Variants in JPH1 observed in about 807,000 individuals in gnomAD.
The protein encoded by JPH1 is junctophilin 1.
A neutral mutation model predicts 53.6 loss-of-function variants in JPH1; 12 were observed. The observed-to-expected ratio is 0.22, with a 90% CI of 0.14 to 0.36. The LOEUF (loss-of-function observed/expected upper bound fraction) is 0.36, where lower values mean the gene tolerates loss of function less well. Ranked by LOEUF, JPH1 falls within the 10% of genes least tolerant of loss-of-function variation. The pLI, the probability that JPH1 is intolerant of heterozygous loss-of-function variation, is 1.00. For missense variants in JPH1, 808 were observed against 905.5 expected, an observed-to-expected ratio of 0.89 and a Z score of 1.38; for synonymous variants, 375 against 363.8, an observed-to-expected ratio of 1.03 and a Z score of -0.35.
chr8:74,292,356 C>G (rs1254756398), intron 2 of JPH1, among the ~76,000 whole-genome samples: 1 of 152,174 alleles, frequency 6.6e-6, no homozygotes, highest in Non-Finnish European at 1.5e-5. Context: ...GCAGTGTCTA[C>G]TCAAGGAAGC....
chr8:74,306,656 T>C (rs1466321686), intron 2 of JPH1, among the ~76,000 whole-genome samples: 1 of 151,782 alleles, frequency 6.6e-6, no homozygotes, highest in Non-Finnish European at 1.5e-5. Context: ...TGGAGTGCAA[T>C]GGCATGATCT....
At chr8:74,284,868 A>C (rs556600052) in intron 2 of JPH1, among the ~76,000 whole-genome samples, 18 of 143,394 alleles carry the variant, frequency 1.3e-4, no homozygotes, top group African/African-American at 4.8e-4. Context: ...TCTGTCACCC[A>C]GGCTGGAATG....
intron 2 of JPH1, among the ~76,000 whole-genome samples, chr8:74,263,696 A>G (rs1015167207): frequency 6.6e-6 from 1 of 151,982 alleles, no homozygotes; most frequent in Non-Finnish European, 1.5e-5. Flanking sequence ...AAGGTAACTG[A>G]CCTCCCTACT....
intron 2 of JPH1, among the ~76,000 whole-genome samples, chr8:74,289,768 T>G (rs1320327680): frequency 6.6e-6 from 1 of 152,238 alleles, no homozygotes; most frequent in Non-Finnish European, 1.5e-5. Context: ...TATTGAGAGT[T>G]TTTAGCATGA....
At chr8:74,300,249 G>A (rs1303151451) in intron 2 of JPH1, among the ~76,000 whole-genome samples, 4 of 152,218 alleles carry the variant, frequency 2.6e-5, no homozygotes, top group Admixed American at 6.5e-5. Flanking sequence ...TAGAAGACTA[G>A]CCATTTTGAC....
In JPH1 at chr8:74,315,487, G is replaced by C; in HGVS notation, c.513C>G (p.Ser171Arg). 6.2e-7 allele frequency: 1 copy of C among 1,606,818 alleles called. No homozygotes were observed. The highest frequency in any genetic ancestry group is 8.5e-7 in the Non-Finnish European group (1 of 1,177,394). ...TSLASLRSEQ[S>R]NGSVLHDAAA... Reference sequence around the variant, plus strand: ...CGGCGTCGTGGAGCACGCTGCCATTGCTCTGCTCGCTGCGCAGCGAGGCCA... The same window carrying C: ...CGGCGTCGTGGAGCACGCTGCCATTCCTCTGCTCGCTGCGCAGCGAGGCCA... The change falls in exon 2 of 6, where the codon AGC becomes AGG. Residue 171 changes from serine to arginine, a missense_variant. Physicochemically the swap from Ser to Arg is moderately radical, Grantham distance 110. This residue lies in a region of JPH1 where 756 missense variants were observed against 811.9 expected (regional missense o/e 0.93). Coordinates refer to ENST00000342232, the MANE Select transcript of JPH1 (RefSeq NM_020647.4). The surrounding 1 kb of genome is among the most constrained non-coding windows in gnomAD (Gnocchi z 6.3).
At chr8:74,254,071 C>T (rs1294452960) in intron 3 of JPH1, among the ~76,000 whole-genome samples, 1 of 151,736 alleles carries the variant, frequency 6.6e-6, no homozygotes, top group East Asian at 1.9e-4. Context: ...GATACCAAAG[C>T]CAGGTAGAGA....
intron 3 of JPH1, among the ~76,000 whole-genome samples, chr8:74,245,967 A>C (rs1478376193): frequency 6.7e-6 from 1 of 150,198 alleles, no homozygotes; most frequent in African/African-American, 2.4e-5. Flanking sequence ...ACAGGGAGTG[A>C]GCTATAAAGA....
chr8:74,281,606 A>G (rs1330811703), intron 2 of JPH1, among the ~76,000 whole-genome samples: 1 of 152,218 alleles, frequency 6.6e-6, no homozygotes, highest in East Asian at 1.9e-4. Context: ...AAAGATGCTA[A>G]GAGTTCTGAT....
rs952173671 is a variant in JPH1 at position 74,236,320 on chromosome 8, T to C, written c.*731A>G. On this transcript the variant is annotated 3_prime_UTR_variant, in exon 6 of 6. Transcript: ENST00000342232. ...TTCACTAGCATTTTGTTGTTTCTTTTCCTTGAGATGCAACACGTGTGTTTC... is the reference window on the plus strand; with the variant it reads ...TTCACTAGCATTTTGTTGTTTCTTTCCCTTGAGATGCAACACGTGTGTTTC... 1.3e-5 allele frequency: 2 copies of C among 152,292 alleles called. No individual in the cohort carries two copies. Among genetic ancestry groups the C allele is most frequent in the African/African-American group, 4.8e-5 (2 of 41,442 alleles). The allele number at this position is 152,292 out of a possible 1,614,324, so 9.4% of individuals were successfully genotyped here. A position where few individuals can be genotyped will look rare whatever the true frequency, so the allele number is the denominator to read the frequency against.
intron 2 of JPH1, among the ~76,000 whole-genome samples, chr8:74,261,128 A>G (rs916066545): frequency 6.6e-6 from 1 of 152,212 alleles, no homozygotes; most frequent in Non-Finnish European, 1.5e-5. Context: ...AAAGGAGGGC[A>G]TATCTGGGGG....
At position 74,280,885 on chromosome 8, in the gene JPH1, G is replaced by A. The variant is rs144642484; in HGVS notation, c.1140-21382C>T. Among the ~76,000 whole-genome samples, 370 of 152,200 alleles carry A rather than the reference G, an allele frequency of 2.4e-3. 1 individual carries two copies. The highest frequency in any genetic ancestry group is 8.5e-3 in the African/African-American group (354 of 41,508). ...ACTTTATGAACAAATCATTATGCTG[G>A]ACTCTCACAACAGTTCTGCAAGGTT... is the stretch of plus-strand genomic sequence containing the variant. On this transcript the variant is annotated intron_variant, in intron 2 of 5. Transcript: ENST00000342232.
chr8:74,260,284 G>C (rs1301117784), intron 2 of JPH1, among the ~76,000 whole-genome samples: 2 of 152,180 alleles, frequency 1.3e-5, no homozygotes, highest in African/African-American at 4.8e-5. Context: ...CTCACTCATG[G>C]AAACCTCTCA....
At position 74,291,921 on chromosome 8, in the gene JPH1, C is replaced by T. The variant is rs199993161; in HGVS notation, c.1139+22940G>A. On this transcript the variant is annotated intron_variant, in intron 2 of 5. Coordinates refer to ENST00000342232, the MANE Select transcript of JPH1 (RefSeq NM_020647.4). ...AACCATCATTCTCAGCAAACTATCG[C>T]AAGGACAGAAAACCAAACACCACAT... is the stretch of plus-strand genomic sequence containing the variant. Among the ~76,000 whole-genome samples the T allele has an allele frequency of 3.0e-4, 45 of 152,198 alleles. 1 individual carries two copies. The East Asian group carries it at 8.3e-3, about 28-fold the overall frequency.
chr8:74,253,750 GAATAC>G (rs1336148698), intron 3 of JPH1, among the ~76,000 whole-genome samples: 1 of 152,070 alleles, frequency 6.6e-6, no homozygotes, highest in Non-Finnish European at 1.5e-5. Flanking sequence ...TACCATCAGA[GAATAC>G]TATAAACACC....
At chr8:74,319,884 G>T (rs111649631) in intron 1 of JPH1, among the ~76,000 whole-genome samples, 7,456 of 152,204 alleles carry the variant, frequency 0.049, 265 homozygotes, top group Non-Finnish European at 0.079. Context: ...TATTACACAA[G>T]GAAATTCATC....
chr8:74,282,307 T>G (rs1807036769), intron 2 of JPH1, among the ~76,000 whole-genome samples: 1 of 152,160 alleles, frequency 6.6e-6, no homozygotes, highest in South Asian at 2.1e-4. Context: ...GTTTTCCCTA[T>G]CAAAGACCCA....
intron 2 of JPH1, among the ~76,000 whole-genome samples, chr8:74,310,965 C>T (rs376716511): frequency 8.5e-5 from 13 of 152,282 alleles, no homozygotes; most frequent in African/African-American, 2.2e-4. Flanking sequence ...GGGGCTTGGA[C>T]GAGATGCGCT....
At chr8:74,243,318 T>A (rs986579763) in intron 4 of JPH1, among the ~76,000 whole-genome samples, 1 of 152,246 alleles carries the variant, frequency 6.6e-6, no homozygotes, top group Non-Finnish European at 1.5e-5. Context: ...TTAAAGTTAG[T>A]CTGTTTTGAA....
Sources: gnomAD v4.1 joint callset for allele counts (sites outside exome capture counted in the v4.1 genomes callset) on GRCh38, gnomAD v4.1.1 for gene constraint, gnomAD v4.1.1 regional missense constraint, Gnocchi (gnomAD v3.1) non-coding constraint, MANE v1.5 for transcripts, NCBI Gene and HGNC (gene_info 2026-07-23, HGNC 2026-07-21) for gene names.